Variants in RFX4 observed in about 807,000 individuals in gnomAD.
RFX4 encodes transcription factor RFX4.
RFX4 carries 10 observed loss-of-function variants against 95.0 expected under a neutral mutation model. The observed-to-expected ratio is 0.11, with a 90% CI of 0.06 to 0.18. The LOEUF (loss-of-function observed/expected upper bound fraction) is 0.18, where lower values mean the gene tolerates loss of function less well. Ranked by LOEUF, RFX4 falls within the 10% of genes least tolerant of loss-of-function variation. RFX4 has a pLI of 1.00. For synonymous variants in RFX4, 321 were observed against 340.7 expected (o/e 0.94, Z 0.64); for missense variants, 640 against 922.0 (o/e 0.69, Z 3.96).
intron 1 of RFX4, among the ~76,000 whole-genome samples, chr12:106,599,969 G>C (rs1441031120): frequency 2.6e-5 from 4 of 152,090 alleles, no homozygotes; most frequent in African/African-American, 9.7e-5. Context: ...AGCAGCACCA[G>C]ATGGAGCTGC....
intron 17 of RFX4, among the ~76,000 whole-genome samples, chr12:106,751,157 A>G (rs2042997024): frequency 1.3e-5 from 2 of 149,876 alleles, no homozygotes; most frequent in South Asian, 2.1e-4. Context: ...TCATTGTTCA[A>G]TTCCCACCTA....
chr12:106,670,932 ATT>A (rs765699075), intron 4 of RFX4, among the ~76,000 whole-genome samples: 5 of 152,146 alleles, frequency 3.3e-5, no homozygotes, highest in African/African-American at 7.2e-5. Context: ...TTCCCTAATC[ATT>A]TCTCTCTCTT....
At chr12:106,609,919 A>G (rs2039923247) in intron 2 of RFX4, among the ~76,000 whole-genome samples, 1 of 152,126 alleles carries the variant, frequency 6.6e-6, no homozygotes, top group South Asian at 2.1e-4. Context: ...AAATGGGATA[A>G]TGGACTCTGT....
At position 106,709,764 on chromosome 12, in the gene RFX4, C is replaced by T. The variant is rs188554387; in HGVS notation, c.934+334C>T. Reference sequence around the variant, plus strand: ...TCATTTAATCCTCATGCTGCCTCTGCGATGTAGAAAGTAGTATCCCTGTTC... The same window carrying T: ...TCATTTAATCCTCATGCTGCCTCTGTGATGTAGAAAGTAGTATCCCTGTTC... On this transcript the variant is annotated intron_variant, in intron 9 of 17. Coordinates refer to ENST00000392842, the MANE Select transcript of RFX4 (RefSeq NM_213594.3). Among the ~76,000 whole-genome samples, 16 of 152,206 alleles carry T rather than the reference C, an allele frequency of 1.1e-4. No individual in the cohort carries two copies. In the East Asian group the frequency reaches 1.7e-3, roughly 17 times the overall value.
chr12:106,652,707 G>A (rs887950955), intron 3 of RFX4, among the ~76,000 whole-genome samples: 1 of 152,194 alleles, frequency 6.6e-6, no homozygotes, highest in African/African-American at 2.4e-5. Flanking sequence ...TTCCCCCTCT[G>A]TGGGGTTTGG....
chr12:106,682,062 C>T lies in RFX4; in HGVS notation c.377+8C>T, dbSNP rs1308094811. On this transcript the variant is annotated splice_region_variant and intron_variant, in intron 5 of 17. Coordinates refer to ENST00000392842, the MANE Select transcript of RFX4 (RefSeq NM_213594.3). ...GACCCGAGGACAGTCAAAGTAAGCA[C>T]CGGACGGCCATTCCACCTGCAGAGC... The T allele has an allele frequency of 6.2e-7, 1 of 1,613,972 alleles. No individual in the cohort carries two copies. Among genetic ancestry groups the T allele is most frequent in the African/African-American group, 1.3e-5 (1 of 74,934 alleles).
chr12:106,665,577 A>T (rs535781929), intron 4 of RFX4, among the ~76,000 whole-genome samples: 2 of 151,482 alleles, frequency 1.3e-5, no homozygotes, highest in South Asian at 2.1e-4. Flanking sequence ...TTTGTCTTCC[A>T]CTCTTCTGCT....
At chr12:106,663,441 A>AT (rs201556602) in intron 4 of RFX4, among the ~76,000 whole-genome samples, 80 of 151,366 alleles carry the variant, frequency 5.3e-4, no homozygotes, top group African/African-American at 1.4e-3. Context: ...GTTCCAGGAG[A>AT]TTTTTTTTTC....
At chr12:106,612,155 C>A (rs755360662) in intron 2 of RFX4, among the ~76,000 whole-genome samples, 1 of 152,026 alleles carries the variant, frequency 6.6e-6, no homozygotes, top group Admixed American at 6.6e-5. Context: ...ATATGCCACT[C>A]GGGTTTTGAT....
In RFX4 at chr12:106,750,796, G is replaced by A; in HGVS notation, c.1935+3G>A. 1 of 1,556,064 alleles carries A rather than the reference G, an allele frequency of 6.4e-7. No homozygotes were observed. Among genetic ancestry groups the A allele is most frequent in the Non-Finnish European group, 8.7e-7 (1 of 1,155,780 alleles). On this transcript the variant is annotated splice_donor_region_variant and intron_variant, in intron 17 of 17. Coordinates refer to ENST00000392842, the MANE Select transcript of RFX4 (RefSeq NM_213594.3). ...CTTACCACAGGAGCTCTGCACAGGTGAGTCAGTGGTCCTGGTTTCTTGGCC... is the reference window on the plus strand; with the variant it reads ...CTTACCACAGGAGCTCTGCACAGGTAAGTCAGTGGTCCTGGTTTCTTGGCC...
Position 106,747,547 on chromosome 12 carries a change from T to C in RFX4, c.1744T>C (p.Ser582Pro), listed in dbSNP as rs772904823. 6.2e-6 allele frequency: 10 copies of C among 1,614,114 alleles called. No homozygotes were observed. The highest frequency in any genetic ancestry group is 1.3e-5 in the African/African-American group (1 of 75,042). The change falls in exon 16 of 18, where the codon TCT becomes CCT. Residue 582 changes from serine (S) to proline (P), a missense_variant. By Grantham distance (74) the Ser-to-Pro change is moderately conservative. Around this residue, in one of 7 missense-constraint regions of RFX4, gnomAD observed 300 missense variants for 346.8 expected, o/e 0.87. Coordinates refer to ENST00000392842, the MANE Select transcript of RFX4 (RefSeq NM_213594.3). ...LPCMRNTHVP[S>P]SSVTHRIPVY... Reference sequence around the variant, plus strand: ...CTGTATGAGGAACACTCATGTGCCTTCTTCCTCCGTCACACACAGGATACC... The same window carrying C: ...CTGTATGAGGAACACTCATGTGCCTCCTTCCTCCGTCACACACAGGATACC...
At chr12:106,712,069 T>C (rs2042201369) in intron 10 of RFX4, among the ~76,000 whole-genome samples, 1 of 152,254 alleles carries the variant, frequency 6.6e-6, no homozygotes, top group South Asian at 2.1e-4. Context: ...TTTTGCACTT[T>C]AATGAAGGGA....
At chr12:106,719,077 G>T (rs941399556) in intron 11 of RFX4, among the ~76,000 whole-genome samples, 3 of 152,024 alleles carry the variant, frequency 2.0e-5, no homozygotes, top group Admixed American at 2.0e-4. Context: ...AGCCGAGATT[G>T]CGCCACTGCA....
intron 16 of RFX4, among the ~76,000 whole-genome samples, chr12:106,750,156 A>C (rs1193310546): frequency 2.0e-5 from 3 of 152,132 alleles, no homozygotes; most frequent in Non-Finnish European, 4.4e-5. Flanking sequence ...AACCATAACA[A>C]GGCCACAAGA....
At chr12:106,746,068 A>G (rs1157895377) in intron 15 of RFX4, among the ~76,000 whole-genome samples, 5 of 152,152 alleles carry the variant, frequency 3.3e-5, no homozygotes, top group Non-Finnish European at 7.3e-5. Flanking sequence ...GTCTATAAAA[A>G]ATTTAAAGGC....
chr12:106,670,656 T>C (rs1253225171), intron 4 of RFX4, among the ~76,000 whole-genome samples: 5 of 152,160 alleles, frequency 3.3e-5, no homozygotes, highest in Non-Finnish European at 7.4e-5. Context: ...AACCCTTTCA[T>C]TCCCCAGTTC....
At chr12:106,747,679 A>G (rs1041369724) in intron 16 of RFX4, 80 bp downstream of exon 16, 2 of 1,503,718 alleles carry the variant, frequency 1.3e-6, no homozygotes, top group Admixed American at 1.9e-5. Context: ...ACACCCTGTA[A>G]TCCCAGCACT....
At chr12:106,605,796 G>C (rs536680910) in intron 1 of RFX4, among the ~76,000 whole-genome samples, 3 of 152,360 alleles carry the variant, frequency 2.0e-5, no homozygotes, top group South Asian at 2.1e-4. Flanking sequence ...ATGTGCCAGT[G>C]AGACCAGACT....
chr12:106,646,193 C>G (rs58140867), intron 3 of RFX4, among the ~76,000 whole-genome samples: 7 of 151,988 alleles, frequency 4.6e-5, no homozygotes, highest in Non-Finnish European at 8.8e-5. Context: ...CGAAGATGTT[C>G]TGCGGGGCCT....
Sources: gnomAD v4.1 joint callset for allele counts (sites outside exome capture counted in the v4.1 genomes callset) on GRCh38, gnomAD v4.1.1 for gene constraint, gnomAD v4.1.1 regional missense constraint, MANE v1.5 for transcripts, NCBI Gene and HGNC (gene_info 2026-07-23, HGNC 2026-07-21) for gene names.